DCAF8: variants seen among roughly 807,000 people sequenced by gnomAD.
DCAF8 encodes the protein DDB1 and CUL4 associated factor 8, also known as DDB1- and CUL4-associated factor 8.
In DCAF8, 20 loss-of-function variants were observed where a neutral mutation model predicts 68.0. The observed-to-expected ratio is 0.29, with a 90% CI of 0.21 to 0.43. The LOEUF is 0.43. DCAF8 is among the 20% of genes least tolerant of loss of function. DCAF8 has a pLI of 1.00. For missense variants in DCAF8, 460 were observed against 771.0 expected (o/e 0.60, Z 4.78); for synonymous variants, 230 against 276.9 (o/e 0.83, Z 1.68).
chr1:160,237,125 C>G lies in DCAF8; in HGVS notation c.959+10G>C. 6.5e-7 allele frequency: 1 copy of G among 1,545,410 alleles called. No homozygotes were observed. Among genetic ancestry groups the G allele is most frequent in the East Asian group, 2.4e-5 (1 of 42,536 alleles). On this transcript the variant is annotated intron_variant, in intron 6 of 13. Transcript: ENST00000368074. ...ATACAGTTCTGTAATGATATTACTG[C>G]TACACTTACGACGCTGGGCGGTCTT...
intron 10 of DCAF8, among the ~76,000 whole-genome samples, chr1:160,223,928 CA>C (rs1655381306): frequency 1.3e-5 from 2 of 152,096 alleles, no homozygotes; most frequent in South Asian, 4.1e-4. Flanking sequence ...CTCATAAACA[CA>C]AAACAAAACA....
chr1:160,222,048 T>C (rs1171940230), intron 11 of DCAF8, among the ~76,000 whole-genome samples: 1 of 152,210 alleles, frequency 6.6e-6, no homozygotes, highest in Non-Finnish European at 1.5e-5. Flanking sequence ...TATGTACACA[T>C]GTATATGTGT....
chr1:160,227,812 TAGAC>T (rs1420035102), intron 7 of DCAF8, among the ~76,000 whole-genome samples: 4 of 152,260 alleles, frequency 2.6e-5, no homozygotes, highest in African/African-American at 9.6e-5. Context: ...AGCCCTGTGA[TAGAC>T]AGTAAGCATA....
intron 2 of DCAF8, among the ~76,000 whole-genome samples, chr1:160,260,552 C>T (rs1557845508): frequency 6.6e-6 from 1 of 151,960 alleles, no homozygotes; most frequent in South Asian, 2.1e-4. Flanking sequence ...TGCCATGAGC[C>T]TCTAGTCTCT....
At chr1:160,248,446 C>T (rs1054135659) in intron 2 of DCAF8, among the ~76,000 whole-genome samples, 1 of 152,024 alleles carries the variant, frequency 6.6e-6, no homozygotes, top group Non-Finnish European at 1.5e-5. Flanking sequence ...ACTGTCGCAA[C>T]AGGCTGGGGC....
At chr1:160,224,407 G>T (rs375457119) in intron 10 of DCAF8, 35 bp downstream of exon 10, 9 of 1,539,258 alleles carry the variant, frequency 5.8e-6, no homozygotes, top group Admixed American at 3.3e-5. Flanking sequence ...AAGCCAACAG[G>T]CTTGGGCCAA....
At chr1:160,247,989 A>T (rs1003591459) in intron 2 of DCAF8, among the ~76,000 whole-genome samples, 1 of 152,250 alleles carries the variant, frequency 6.6e-6, no homozygotes, top group African/African-American at 2.4e-5. Context: ...AAAAAAATTA[A>T]TCAGTTGGAT....
At chr1:160,236,420 A>G (rs75502519) in intron 6 of DCAF8, among the ~76,000 whole-genome samples, 4,927 of 151,408 alleles carry the variant, frequency 0.033, 253 homozygotes, top group African/African-American at 0.11. Flanking sequence ...GTGTGTATAT[A>G]TGTGTGTGTG....
intron 2 of DCAF8, among the ~76,000 whole-genome samples, chr1:160,247,510 C>T (rs59361846): frequency 1.3e-5 from 2 of 152,168 alleles, no homozygotes; most frequent in African/African-American, 2.4e-5. Context: ...CTCTTTTCCT[C>T]TAATATGATG....
intron 2 of DCAF8, among the ~76,000 whole-genome samples, chr1:160,254,572 T>A (rs961456169): frequency 6.6e-6 from 1 of 151,918 alleles, no homozygotes; most frequent in African/African-American, 2.4e-5. Flanking sequence ...GCCGGGTGGA[T>A]CACGAGGTCA....
chr1:160,237,704 T>C (rs1655943843), intron 5 of DCAF8, among the ~76,000 whole-genome samples: 1 of 151,712 alleles, frequency 6.6e-6, no homozygotes, highest in Non-Finnish European at 1.5e-5. Flanking sequence ...TTTTTTCGCT[T>C]TTTTTTTGTT....
intron 2 of DCAF8, among the ~76,000 whole-genome samples, chr1:160,254,710 G>A (rs887465629): frequency 6.6e-6 from 1 of 151,964 alleles, no homozygotes; most frequent in African/African-American, 2.4e-5. Flanking sequence ...AGGACTGCTT[G>A]AACCCGAGAG....
At position 160,218,814 on chromosome 1, in the gene DCAF8, CAGAA is replaced by C. The variant is rs770921808; in HGVS notation, c.1560+31_1560+34del. The C allele has an allele frequency of 2.1e-5, 34 of 1,612,694 alleles. No homozygotes were observed. The South Asian group carries it at 3.6e-4, about 17-fold the overall frequency. On this transcript the variant is annotated intron_variant, in intron 12 of 13. Coordinates refer to ENST00000368074, the MANE Select transcript of DCAF8 (RefSeq NM_015726.4). The stretch of plus-strand genomic sequence containing the variant: ...TAAGAATCAACAGTATGTGGATAAG[CAGAA>C]AGAAAATAACTTCTGCAGTCAGCCA...
At chr1:160,259,768 G>A (rs892137593) in intron 2 of DCAF8, among the ~76,000 whole-genome samples, 10 of 152,088 alleles carry the variant, frequency 6.6e-5, no homozygotes, top group Non-Finnish European at 1.3e-4. Context: ...ATTACAACAC[G>A]GCCAACTCTG....
chr1:160,257,307 A>G (rs1247612567), intron 2 of DCAF8, among the ~76,000 whole-genome samples: 7 of 152,216 alleles, frequency 4.6e-5, no homozygotes, highest in Non-Finnish European at 1.0e-4. Context: ...AGAGACTTAA[A>G]AACTAACTCT....
intron 11 of DCAF8, chr1:160,220,857 T>C (rs1413252102): frequency 6.6e-6 from 1 of 152,178 alleles, no homozygotes; most frequent in Non-Finnish European, 1.5e-5. Context: ...GTCTACTACA[T>C]TGAAAGTAGT....
At chr1:160,223,918 CT>C (rs1655381063) in intron 10 of DCAF8, among the ~76,000 whole-genome samples, 1 of 152,122 alleles carries the variant, frequency 6.6e-6, no homozygotes, top group Middle Eastern at 3.2e-3. Context: ...GAGATCCTGT[CT>C]CATAAACACA....
chr1:160,224,384 C>T (rs773543946), intron 10 of DCAF8, 58 bp downstream of exon 10: 90 of 1,290,980 alleles, frequency 7.0e-5, no homozygotes, highest in Non-Finnish European at 9.6e-5. Context: ...GAGTAAGACA[C>T]TGTGGTTCTC....
In DCAF8 at chr1:160,216,409, G is replaced by A. The variant is rs1381675134; in HGVS notation, c.*1183C>T. The A allele has an allele frequency of 6.6e-6, 1 of 152,226 alleles. No homozygotes were observed. Among genetic ancestry groups the A allele is most frequent in the East Asian group, 1.9e-4 (1 of 5,196 alleles). 9.4% of individuals were successfully genotyped at this position (152,226 alleles called of 1,614,324 possible). A position where few individuals can be genotyped will look rare whatever the true frequency, so the allele number is the denominator to read the frequency against. Reference sequence around the variant, plus strand: ...GTAGTTAAGTTTTAAAGACAGGCCAGCCTCTGGTTAGAAGAGCCATCCTTG... The same window carrying A: ...GTAGTTAAGTTTTAAAGACAGGCCAACCTCTGGTTAGAAGAGCCATCCTTG... On this transcript the variant is annotated 3_prime_UTR_variant, in exon 14 of 14. Coordinates refer to ENST00000368074, the MANE Select transcript of DCAF8 (RefSeq NM_015726.4).
Sources: allele counts gnomAD v4.1 joint callset (sites outside exome capture counted in the v4.1 genomes callset), GRCh38; gene constraint gnomAD v4.1.1; transcripts MANE v1.5; gene names NCBI Gene and HGNC (gene_info 2026-07-23, HGNC 2026-07-21).